EXT1: variants seen among roughly 807,000 people sequenced by gnomAD.
EXT1 encodes exostosin-1.
In EXT1, 20 loss-of-function variants were observed where a neutral mutation model predicts 82.5. The ratio of observed to expected loss-of-function variants is 0.24; its 90% CI spans 0.17 to 0.35. The LOEUF (loss-of-function observed/expected upper bound fraction) is 0.35, where lower values mean the gene tolerates loss of function less well. Among genes scored for constraint, EXT1 ranks in the 10% least tolerant of loss-of-function variants. EXT1 has a pLI of 1.00. For synonymous variants in EXT1, 348 were observed against 350.8 expected, an observed-to-expected ratio of 0.99 and a Z score of 0.09; for missense variants, 757 against 936.5, an observed-to-expected ratio of 0.81 and a Z score of 2.50.
chr8:117,976,776 G>T (rs549327851), intron 1 of EXT1, among the ~76,000 whole-genome samples: 67 of 152,310 alleles, frequency 4.4e-4, no homozygotes, highest in African/African-American at 1.5e-3. Context: ...TCTCATAGAA[G>T]ATTTAATCCT....
intron 1 of EXT1, among the ~76,000 whole-genome samples, chr8:118,092,014 C>T (rs1014081016): frequency 5.3e-5 from 8 of 152,130 alleles, no homozygotes; most frequent in Non-Finnish European, 1.2e-4. Context: ...ATACACCATC[C>T]CTGTTCTCAT....
chr8:118,029,942 T>C (rs112093879), intron 1 of EXT1, among the ~76,000 whole-genome samples: 4 of 152,322 alleles, frequency 2.6e-5, no homozygotes, highest in African/African-American at 9.6e-5. Context: ...AACACATTAT[T>C]TGAACTTCAC....
At chr8:117,877,805 G>T (rs1030641172) in intron 1 of EXT1, among the ~76,000 whole-genome samples, 16 of 152,112 alleles carry the variant, frequency 1.1e-4, no homozygotes, top group African/African-American at 3.9e-4. Context: ...TGAATTTTAG[G>T]AAAGTACTAG....
chr8:118,009,231 A>G (rs1815845610), intron 1 of EXT1, among the ~76,000 whole-genome samples: 1 of 152,196 alleles, frequency 6.6e-6, no homozygotes, highest in South Asian at 2.1e-4. Flanking sequence ...CCAGACTAAC[A>G]TTCTCCTCTG....
chr8:117,943,467 T>A (rs1396965432), intron 1 of EXT1, among the ~76,000 whole-genome samples: 5 of 149,928 alleles, frequency 3.3e-5, no homozygotes, highest in African/African-American at 7.6e-5. Flanking sequence ...TATAGTCACA[T>A]ACAAAAAAAA....
chr8:118,036,757 C>T (rs1056670989), intron 1 of EXT1, among the ~76,000 whole-genome samples: 3 of 152,178 alleles, frequency 2.0e-5, no homozygotes, highest in Admixed American at 2.0e-4. Flanking sequence ...TTGTGTGTCT[C>T]TTAACCACCT....
At chr8:117,870,892 T>C (rs1167254865) in intron 1 of EXT1, among the ~76,000 whole-genome samples, 1 of 151,388 alleles carries the variant, frequency 6.6e-6, no homozygotes, top group Non-Finnish European at 1.5e-5. Context: ...ATGATCCAAT[T>C]TAAAACATCA....
intron 1 of EXT1, among the ~76,000 whole-genome samples, chr8:117,941,356 G>A (rs1814269421): frequency 6.6e-6 from 1 of 152,190 alleles, no homozygotes; most frequent in Non-Finnish European, 1.5e-5. Flanking sequence ...TTCCTAAGCT[G>A]CAAAATTTTA....
At chr8:117,818,570 G>A (rs367578074) in intron 6 of EXT1, 40 bp from the exon 7 acceptor site, 347 of 1,467,666 alleles carry the variant, frequency 2.4e-4, no homozygotes, top group Non-Finnish European at 3.1e-4. Flanking sequence ...GGGGTAGGAT[G>A]TATTTATGTA....
At chr8:118,032,195 T>A (rs1022778509) in intron 1 of EXT1, among the ~76,000 whole-genome samples, 24 of 149,940 alleles carry the variant, frequency 1.6e-4, no homozygotes, top group African/African-American at 5.8e-4. Flanking sequence ...TTAACTTGGG[T>A]TTCTTTTAAT....
intron 1 of EXT1, among the ~76,000 whole-genome samples, chr8:118,022,639 A>C (rs1308183131): frequency 8.4e-5 from 12 of 142,770 alleles, no homozygotes; most frequent in East Asian, 4.0e-4. Context: ...CGCCTGGCCC[A>C]AAAAAAAAAA....
Position 117,830,310 on chromosome 8 carries a change from G to A in EXT1, c.1204C>T (p.Leu402=). The A allele has an allele frequency of 1.9e-6, 3 of 1,614,040 alleles. No homozygotes were observed. Among genetic ancestry groups the A allele is most frequent in the African/African-American group, 1.3e-5 (1 of 75,048 alleles). The part of the protein sequence containing the change: ...TIRSIHQDKI[L]ALRQQTQFLW... The stretch of plus-strand genomic sequence containing the variant: ...AATTGTGTCTGCTGTCTAAGTGCTA[G>A]GATTTTATCCTGATGAATAGACCTG... Residue 402 remains leucine (L), a synonymous_variant, in exon 4 of 11, where the codon CTA becomes TTA. Coordinates refer to ENST00000378204, the MANE Select transcript of EXT1 (RefSeq NM_000127.3).
chr8:117,858,844 G>GAAA (rs1812627511), intron 1 of EXT1, among the ~76,000 whole-genome samples: 2 of 85,330 alleles, frequency 2.3e-5, no homozygotes. Context: ...AAGGAAGGAA[G>GAAA]GAAAGAAAGA....
chr8:117,974,218 G>A (rs145562553), intron 1 of EXT1, among the ~76,000 whole-genome samples: 373 of 152,214 alleles, frequency 2.5e-3, no homozygotes, highest in African/African-American at 8.5e-3. Context: ...GGTTATTATC[G>A]TTTAAAAGTC....
chr8:117,869,729 A>G (rs186101141), intron 1 of EXT1, among the ~76,000 whole-genome samples: 2 of 152,302 alleles, frequency 1.3e-5, no homozygotes, highest in East Asian at 3.9e-4. Context: ...GCTACATTTT[A>G]ATGGATTCTA....
chr8:118,043,614 C>A (rs1379225462), intron 1 of EXT1, among the ~76,000 whole-genome samples: 1 of 152,166 alleles, frequency 6.6e-6, no homozygotes, highest in East Asian at 1.9e-4. Context: ...AGTTGATCAC[C>A]CAGGAAATTG....
At chr8:118,007,252 G>A (rs910001145) in intron 1 of EXT1, among the ~76,000 whole-genome samples, 5 of 152,002 alleles carry the variant, frequency 3.3e-5, no homozygotes, top group African/African-American at 2.4e-5. Flanking sequence ...AGCTGAGATC[G>A]CGCCACTGCA....
chr8:118,039,924 T>C (rs1311796029), intron 1 of EXT1, among the ~76,000 whole-genome samples: 1 of 152,224 alleles, frequency 6.6e-6, no homozygotes, highest in African/African-American at 2.4e-5. Flanking sequence ...GCATTTTGAC[T>C]TTGAATTTTC....
At chr8:117,927,508 G>A (rs1048732967) in intron 1 of EXT1, among the ~76,000 whole-genome samples, 9 of 144,762 alleles carry the variant, frequency 6.2e-5, no homozygotes, top group South Asian at 2.2e-4. Context: ...CTAGCTGAGG[G>A]GAAAATCACA....
Sources: gnomAD v4.1 joint callset for allele counts (sites outside exome capture counted in the v4.1 genomes callset) on GRCh38, gnomAD v4.1.1 for gene constraint, MANE v1.5 for transcripts, NCBI Gene and HGNC (gene_info 2026-07-23, HGNC 2026-07-21) for gene names.